The following EFHD1 variants were observed in gnomAD, a reference collection of about 807,000 sequenced individuals.
EFHD1 encodes the protein EF-hand domain-containing protein D1.
Under a neutral mutation model 17.2 loss-of-function variants are expected in EFHD1, and 10 were observed. The ratio of observed to expected loss-of-function variants is 0.58; its 90% confidence interval spans 0.36 to 0.99. The LOEUF (loss-of-function observed/expected upper bound fraction) is 0.99. Ranked by LOEUF, EFHD1 falls within the 50% of genes least tolerant of loss-of-function variation. The pLI, the probability that EFHD1 is intolerant of heterozygous loss-of-function variation, is 0.01. For synonymous variants in EFHD1, 153 were observed against 142.0 expected (o/e 1.08, Z -0.55); for missense variants, 310 against 327.5 (o/e 0.95, Z 0.41).
At chr2:232,673,167 A>G (rs1195648677) in intron 3 of EFHD1, among the ~76,000 whole-genome samples, 2 of 152,236 alleles carry the variant, frequency 1.3e-5, no homozygotes, top group East Asian at 3.9e-4. Flanking sequence ...TGCCCTTCCC[A>G]GGGCACACAC....
chr2:232,614,608 G>C lies in EFHD1; in HGVS notation c.14+8435G>C, dbSNP rs115902827. Among the ~76,000 whole-genome samples, 469 of 152,328 alleles carry C rather than the reference G, an allele frequency of 3.1e-3. 3 individuals are homozygous for C. The highest frequency in any genetic ancestry group is 4.9e-3 in the Non-Finnish European group (335 of 68,030). The stretch of plus-strand genomic sequence containing the variant: ...CCTCAAGAATTAGAATGAGTGGATT[G>C]TTTGGCAATTGTGGAGTCCCAGGTT... On this transcript the variant is annotated intron_variant, in intron 1 of 3. Transcript: ENST00000409613.
chr2:232,660,055 C>T (rs1004938927), intron 1 of EFHD1, among the ~76,000 whole-genome samples: 10 of 152,276 alleles, frequency 6.6e-5, no homozygotes, highest in Admixed American at 4.6e-4. Context: ...CCACTAAGTC[C>T]CACCTCCAAC....
At chr2:232,655,765 T>C (rs1366665348) in intron 1 of EFHD1, among the ~76,000 whole-genome samples, 2 of 151,812 alleles carry the variant, frequency 1.3e-5, no homozygotes, top group Admixed American at 1.3e-4. Context: ...CAGATCCCAC[T>C]TGTTCCTTCC....
intron 2 of EFHD1, 42 bp downstream of exon 2, chr2:232,662,991 TGA>T (rs1172958688): frequency 6.6e-7 from 1 of 1,513,658 alleles, no homozygotes; most frequent in Non-Finnish European, 8.8e-7. Flanking sequence ...GGGGTGCCCC[TGA>T]GAGGACCTTC....
intron 1 of EFHD1, among the ~76,000 whole-genome samples, chr2:232,615,458 G>A (rs1020764205): frequency 4.6e-5 from 7 of 151,724 alleles, no homozygotes; most frequent in African/African-American, 1.7e-4. Flanking sequence ...TAGATTTGGT[G>A]CTCACCTCGA....
At chr2:232,669,689 C>T (rs1259660324) in intron 2 of EFHD1, among the ~76,000 whole-genome samples, 1 of 151,852 alleles carries the variant, frequency 6.6e-6, no homozygotes, top group Non-Finnish European at 1.5e-5. Context: ...CAACCTCCAC[C>T]TCCTGGGTTC....
intron 1 of EFHD1, among the ~76,000 whole-genome samples, chr2:232,660,180 A>G (rs912544789): frequency 1.9e-5 from 2 of 107,104 alleles, no homozygotes; most frequent in African/African-American, 6.4e-5. Flanking sequence ...TATTTATTTT[A>G]TTTTATTTTA....
intron 2 of EFHD1, among the ~76,000 whole-genome samples, chr2:232,669,070 C>T (rs1265112079): frequency 6.6e-6 from 1 of 152,152 alleles, no homozygotes; most frequent in Non-Finnish European, 1.5e-5. Flanking sequence ...TAGCAGGGCA[C>T]GGAGCGACCA....
intron 1 of EFHD1, among the ~76,000 whole-genome samples, chr2:232,649,291 A>G (rs1343309969): frequency 6.6e-6 from 1 of 152,204 alleles, no homozygotes; most frequent in African/African-American, 2.4e-5. Flanking sequence ...GGGCACGCAC[A>G]GCAGCAGATG....
intron 1 of EFHD1, chr2:232,606,524 G>C (rs144787272): frequency 1.3e-3 from 484 of 387,104 alleles, no homozygotes; most frequent in African/African-American, 8.8e-3. Flanking sequence ...GCTCCCAGTC[G>C]TGGGTAGACC....
chr2:232,633,477 C>T (rs866109525), upstream of EFHD1: 6 of 1,243,660 alleles, frequency 4.8e-6, no homozygotes, highest in Middle Eastern at 3.1e-4. Flanking sequence ...ACACCGGCGG[C>T]CTCCTCCCAC....
chr2:232,644,055 G>A (rs1694480923), intron 1 of EFHD1, among the ~76,000 whole-genome samples: 1 of 152,130 alleles, frequency 6.6e-6, no homozygotes, highest in Non-Finnish European at 1.5e-5. Flanking sequence ...TGTGCAGTTG[G>A]TGCTGAGTGG....
chr2:232,672,102 T>C (rs1458501626), intron 2 of EFHD1, among the ~76,000 whole-genome samples: 1 of 151,892 alleles, frequency 6.6e-6, no homozygotes, highest in Non-Finnish European at 1.5e-5. Context: ...CAAATAAATA[T>C]GAAGGTGCCC....
chr2:232,674,187 G>C (rs1311630982), intron 3 of EFHD1, among the ~76,000 whole-genome samples: 1 of 152,228 alleles, frequency 6.6e-6, no homozygotes, highest in Admixed American at 6.5e-5. Flanking sequence ...GATAACAGGC[G>C]TGAGCCACCG....
chr2:232,676,179 G>GA (rs1162072466), intron 3 of EFHD1, among the ~76,000 whole-genome samples: 7 of 148,254 alleles, frequency 4.7e-5, no homozygotes, highest in East Asian at 3.9e-4. Context: ...TGTCTCAAAG[G>GA]AAAAAAAAAA....
intron 1 of EFHD1, among the ~76,000 whole-genome samples, chr2:232,643,772 C>T (rs1694475124): frequency 6.6e-6 from 1 of 152,202 alleles, no homozygotes; most frequent in South Asian, 2.1e-4. Flanking sequence ...CAACCTCCAC[C>T]TCCTGGGTTC....
intron 1 of EFHD1, among the ~76,000 whole-genome samples, chr2:232,620,147 G>A (rs1040827127): frequency 2.0e-5 from 3 of 151,028 alleles, no homozygotes; most frequent in Non-Finnish European, 2.9e-5. Context: ...CTAGCACTTC[G>A]GGAGGCTGAG....
chr2:232,618,023 T>C (rs1373384561), intron 1 of EFHD1, among the ~76,000 whole-genome samples: 1 of 151,868 alleles, frequency 6.6e-6, no homozygotes, highest in Non-Finnish European at 1.5e-5. Flanking sequence ...TTTAATTTAA[T>C]TTATTTATTT....
chr2:232,613,645 T>TAC (rs755155291), intron 1 of EFHD1, among the ~76,000 whole-genome samples: 72,664 of 129,458 alleles, frequency 0.56, 20,262 homozygotes, highest in Non-Finnish European at 0.63. Context: ...TACACACACA[T>TAC]ACACACACAC....
Sources: gnomAD v4.1 joint callset for allele counts (sites outside exome capture counted in the v4.1 genomes callset) on GRCh38, gnomAD v4.1.1 for gene constraint, MANE v1.5 for transcripts, NCBI Gene and HGNC (gene_info 2026-07-23, HGNC 2026-07-21) for gene names.